Variants in MELK observed in about 807,000 individuals in gnomAD.
MELK encodes the protein pEg3 kinase.
Under a neutral mutation model 85.0 loss-of-function variants are expected in MELK, and 81 were observed. The ratio of observed to expected loss-of-function variants is 0.95; its 90% CI spans 0.80 to 1.15. The LOEUF is 1.15. Ranked by LOEUF, MELK falls within the 50% of genes most tolerant of loss-of-function variation. MELK has a pLI of 0.00. For missense variants in MELK, 754 were observed against 777.5 expected (o/e 0.97, Z 0.36); for synonymous variants, 252 against 265.0 (o/e 0.95, Z 0.48).
chr9:36,651,768 C>T lies in MELK; in HGVS notation c.944C>T (p.Ala315Val). 1 of 1,614,036 alleles carries T rather than the reference C, an allele frequency of 6.2e-7. No individual in the cohort carries two copies. Among genetic ancestry groups the T allele is most frequent in the Non-Finnish European group, 8.5e-7 (1 of 1,179,952 alleles). ...ISLWQYDHLT[A>V]TYLLLLAKKA... Reference sequence around the variant, plus strand: ...TAGTGGCAGTATGATCACCTCACGGCTACCTATCTTCTGCTTCTAGCCAAG... The same window carrying T: ...TAGTGGCAGTATGATCACCTCACGGTTACCTATCTTCTGCTTCTAGCCAAG... The change falls in exon 12 of 18, where the codon GCT (alanine) becomes GTT (valine). Residue 315 changes from alanine to valine, a missense_variant. Coordinates refer to ENST00000298048, the MANE Select transcript of MELK (RefSeq NM_014791.4).
At chr9:36,646,502 G>A (rs1391825194) in intron 11 of MELK, among the ~76,000 whole-genome samples, 1 of 152,126 alleles carries the variant, frequency 6.6e-6, no homozygotes, top group African/African-American at 2.4e-5. Flanking sequence ...TCTATGCAGC[G>A]GTGAGCCTCC....
intron 8 of MELK, among the ~76,000 whole-genome samples, chr9:36,618,279 C>T (rs1007236193): frequency 1.3e-5 from 2 of 151,808 alleles, no homozygotes; most frequent in Non-Finnish European, 2.9e-5. Context: ...CGTGGTGGTG[C>T]ATGCCTGTAA....
At chr9:36,627,775 T>C (rs1487305372) in intron 8 of MELK, among the ~76,000 whole-genome samples, 1 of 151,778 alleles carries the variant, frequency 6.6e-6, no homozygotes, top group Non-Finnish European at 1.5e-5. Context: ...GATCCGCCCA[T>C]CTCAGCCTCC....
intron 1 of MELK, among the ~76,000 whole-genome samples, chr9:36,580,856 G>C (rs1315560104): frequency 1.3e-5 from 2 of 151,676 alleles, no homozygotes; most frequent in Non-Finnish European, 2.9e-5. Context: ...AGCCTCCCAA[G>C]TAGCTGGGAT....
At chr9:36,614,099 C>CT (rs112322490) in intron 8 of MELK, among the ~76,000 whole-genome samples, 31,502 of 139,666 alleles carry the variant, frequency 0.23, 5,761 homozygotes, top group African/African-American at 0.51. Context: ...TACTAGATGT[C>CT]TTTTTTTTTT....
chr9:36,667,613 G>A (rs1359369655), intron 14 of MELK, among the ~76,000 whole-genome samples: 1 of 152,114 alleles, frequency 6.6e-6, no homozygotes, highest in Non-Finnish European at 1.5e-5. Context: ...TTGTCATGAC[G>A]AGAAAGATTG....
rs770039323 is a variant in MELK at position 36,597,248 on chromosome 9, T to A, written c.432T>A (p.His144Gln). The change falls in exon 6 of 18, where the codon CAT (histidine) becomes CAA (glutamine). Residue 144 changes from histidine to glutamine, a missense_variant. His to Gln is a conservative substitution (Grantham distance 24). Transcript: ENST00000298048. ...AAAATTTGCTGTTTGATGAATATCA[T>A]AAATTAAAGCTGATTGACTTTGGTC... ...KPENLLFDEY[H>Q]KLKLIDFGLC... 7 of 1,613,774 alleles carry A rather than the reference T, an allele frequency of 4.3e-6. No homozygotes were observed. In the South Asian group the frequency reaches 7.7e-5, roughly 18 times the overall value.
rs776783445 is a variant in MELK at position 36,581,705 on chromosome 9, C to T, written c.24C>T (p.Leu8=). The change falls in exon 2 of 18, where the codon CTC becomes CTT. Residue 8 remains leucine, a synonymous_variant. Transcript: ENST00000298048. ...CTATGAAAGATTATGATGAACTTCT[C>T]AAATATTATGAATTACATGAAACTA... MKDYDEL[L]KYYELHETIG... The T allele has an allele frequency of 1.4e-5, 22 of 1,599,044 alleles. No homozygotes were observed. The highest frequency in any genetic ancestry group is 1.8e-5 in the Non-Finnish European group (21 of 1,167,896).
chr9:36,593,558 C>T (rs1157070716), intron 4 of MELK, among the ~76,000 whole-genome samples: 1 of 152,176 alleles, frequency 6.6e-6, no homozygotes, highest in Non-Finnish European at 1.5e-5. Context: ...TTATAAATTA[C>T]CCAGCGTAAG....
chr9:36,576,831 C>T (rs912073597), intron 1 of MELK, among the ~76,000 whole-genome samples: 7 of 152,100 alleles, frequency 4.6e-5, no homozygotes, highest in Non-Finnish European at 7.4e-5. Flanking sequence ...TGTGCCCAGC[C>T]GTTTTTTACT....
chr9:36,587,415 C>T (rs1225264450), intron 3 of MELK, among the ~76,000 whole-genome samples: 3 of 151,744 alleles, frequency 2.0e-5, no homozygotes, highest in Middle Eastern at 3.2e-3. Context: ...CTCCTGGGTT[C>T]GAGCAATTCT....
chr9:36,635,096 A>C (rs1448003427), intron 10 of MELK, among the ~76,000 whole-genome samples: 1 of 152,046 alleles, frequency 6.6e-6, no homozygotes, highest in Non-Finnish European at 1.5e-5. Context: ...AAACGTACTC[A>C]GAAATGTAAT....
intron 2 of MELK, 75 bp downstream of exon 2, chr9:36,581,814 G>A (rs1162400957): frequency 8.1e-7 from 1 of 1,235,610 alleles, no homozygotes; most frequent in African/African-American, 1.5e-5. Context: ...GTAGGTGTGA[G>A]CTTTTTCGTC....
chr9:36,596,500 A>G (rs986093496), intron 5 of MELK, among the ~76,000 whole-genome samples: 20 of 138,436 alleles, frequency 1.4e-4, no homozygotes, highest in Non-Finnish European at 1.9e-4. Context: ...CTCGTGATCC[A>G]CCCGCCTAGG....
intron 6 of MELK, among the ~76,000 whole-genome samples, chr9:36,599,125 G>A (rs1386038387): frequency 6.6e-6 from 1 of 151,938 alleles, no homozygotes; most frequent in Non-Finnish European, 1.5e-5. Context: ...GCAAAACCCC[G>A]TCTATACCAA....
At position 36,677,557 on chromosome 9, in the gene MELK, A is replaced by T; in HGVS notation, c.*220A>T. 2.6e-6 allele frequency: 1 copy of T among 379,664 alleles called. No individual in the cohort carries two copies. Among genetic ancestry groups the T allele is most frequent in the Non-Finnish European group, 4.6e-6 (1 of 216,658 alleles). The allele number at this position is 379,664 out of a possible 1,614,324, so 23.5% of individuals were successfully genotyped here. A position where few individuals can be genotyped will look rare whatever the true frequency, so the allele number is the denominator to read the frequency against. On this transcript the variant is annotated 3_prime_UTR_variant, in exon 18 of 18. Coordinates refer to ENST00000298048, the MANE Select transcript of MELK (RefSeq NM_014791.4). The stretch of plus-strand genomic sequence containing the variant: ...CATTATGTTACTGTCTTTTTTAATC[A>T]TGTGGTTTTGTATATTAATAATTGT...
At chr9:36,674,445 G>C (rs1327122237) in intron 16 of MELK, among the ~76,000 whole-genome samples, 1 of 152,154 alleles carries the variant, frequency 6.6e-6, no homozygotes, top group East Asian at 1.9e-4. Context: ...AGCAAACTTT[G>C]TATGGTGTTT....
rs968371130 is a variant in MELK, at chr9:36,620,580, C to T, written c.667-9719C>T. Among the ~76,000 whole-genome samples the T allele has an allele frequency of 1.6e-4, 22 of 141,876 alleles. No individual in the cohort carries two copies. In the South Asian group the frequency reaches 2.5e-3, roughly 16 times the overall value. The allele number at this position is 141,876 out of a possible 152,430, so 93.1% of individuals were successfully genotyped here. On this transcript the variant is annotated intron_variant, in intron 8 of 17. Transcript: ENST00000298048. ...TTTTTTTTTTTTTGAGATGGAGTCT[C>T]GCTCTGTCTCCCAGGCTGGAGTGCA...
chr9:36,656,178 A>G (rs1831222561), intron 12 of MELK, among the ~76,000 whole-genome samples: 1 of 152,194 alleles, frequency 6.6e-6, no homozygotes, highest in African/African-American at 2.4e-5. Context: ...GAGATCCTTC[A>G]TAAGGCTAAT....
Sources: allele counts gnomAD v4.1 joint callset (sites outside exome capture counted in the v4.1 genomes callset), GRCh38; gene constraint gnomAD v4.1.1; transcripts MANE v1.5; gene names NCBI Gene and HGNC (gene_info 2026-07-23, HGNC 2026-07-21).